CLMP: variants seen among roughly 807,000 people sequenced by gnomAD.
The protein encoded by CLMP is CXADR like cell adhesion molecule.
In CLMP, 27 loss-of-function variants were observed where a neutral mutation model predicts 45.2. The ratio of observed to expected loss-of-function variants is 0.60; its 90% CI spans 0.44 to 0.82. The LOEUF (loss-of-function observed/expected upper bound fraction) is 0.82, where lower values mean the gene tolerates loss of function less well. Among genes scored for constraint, CLMP ranks in the 40% least tolerant of loss-of-function variants. The pLI is 0.00. For synonymous variants in CLMP, 167 were observed against 171.4 expected (o/e 0.97, Z 0.20); for missense variants, 403 against 448.4 (o/e 0.90, Z 0.91).
At chr11:123,183,852 G>A (rs948455787) in intron 1 of CLMP, among the ~76,000 whole-genome samples, 1 of 152,102 alleles carries the variant, frequency 6.6e-6, no homozygotes, top group South Asian at 2.1e-4. Flanking sequence ...GTGGGGTGTG[G>A]CTGCCACTCA....
intron 1 of CLMP, among the ~76,000 whole-genome samples, chr11:123,137,585 C>T (rs116188138): frequency 1.1e-4 from 16 of 152,144 alleles, no homozygotes; most frequent in African/African-American, 3.9e-4. Context: ...AGGCTGTCCC[C>T]AGAGATGAGA....
At chr11:123,167,811 C>A (rs1861579059) in intron 1 of CLMP, among the ~76,000 whole-genome samples, 1 of 152,164 alleles carries the variant, frequency 6.6e-6, no homozygotes, top group African/African-American at 2.4e-5. Context: ...AGTTGAAGAT[C>A]TCAAGGAAAG....
intron 1 of CLMP, among the ~76,000 whole-genome samples, chr11:123,149,779 C>T (rs1258600625): frequency 1.4e-5 from 2 of 141,402 alleles, no homozygotes; most frequent in Non-Finnish European, 3.0e-5. Flanking sequence ...TTCTTTCTTT[C>T]TTTCTTTCTT....
chr11:123,090,550 T>G (rs1260519071), intron 2 of CLMP, among the ~76,000 whole-genome samples: 1 of 152,192 alleles, frequency 6.6e-6, no homozygotes, highest in Non-Finnish European at 1.5e-5. Context: ...TTATTCTTTC[T>G]AAGCCTTAAG....
intron 2 of CLMP, among the ~76,000 whole-genome samples, chr11:123,096,035 T>A (rs527250301): frequency 6.6e-6 from 1 of 152,152 alleles, no homozygotes; most frequent in South Asian, 2.1e-4. Flanking sequence ...ACTGAGAGTA[T>A]CAAATCTAGG....
intron 2 of CLMP, among the ~76,000 whole-genome samples, chr11:123,086,147 G>A (rs542897789): frequency 7.2e-5 from 11 of 152,104 alleles, no homozygotes; most frequent in Admixed American, 2.6e-4. Flanking sequence ...CCTGACCTCA[G>A]GTGATCCACC....
chr11:123,140,328 C>G (rs11219016), intron 1 of CLMP, among the ~76,000 whole-genome samples: 87,090 of 151,850 alleles, frequency 0.57, 26,192 homozygotes, highest in African/African-American at 0.76. Flanking sequence ...AATTTTGTCG[C>G]GGTCTGAAGA....
chr11:123,164,832 T>C (rs1861536684), intron 1 of CLMP, among the ~76,000 whole-genome samples: 1 of 152,164 alleles, frequency 6.6e-6, no homozygotes. Context: ...AGTTTGTAGT[T>C]TGCACTAACA....
At chr11:123,139,961 T>G (rs1861131839) in intron 1 of CLMP, among the ~76,000 whole-genome samples, 1 of 152,178 alleles carries the variant, frequency 6.6e-6, no homozygotes, top group Non-Finnish European at 1.5e-5. Flanking sequence ...GTCCCCCAAT[T>G]CATGTGAGTG....
At chr11:123,108,713 T>C (rs1297413628) in intron 1 of CLMP, among the ~76,000 whole-genome samples, 1 of 152,026 alleles carries the variant, frequency 6.6e-6, no homozygotes, top group Non-Finnish European at 1.5e-5. Context: ...CTGACACTGA[T>C]GGAAGATAGT....
At chr11:123,184,859 G>A (rs1178945185) in intron 1 of CLMP, among the ~76,000 whole-genome samples, 27 of 152,158 alleles carry the variant, frequency 1.8e-4, no homozygotes, top group Admixed American at 1.7e-3. Flanking sequence ...TGTGCCAGCC[G>A]CTCACCGGGC....
chr11:123,114,143 C>T (rs933438624), intron 1 of CLMP, among the ~76,000 whole-genome samples: 1 of 151,968 alleles, frequency 6.6e-6, no homozygotes, highest in African/African-American at 2.4e-5. Context: ...GCAGAGGGGG[C>T]GGGAATTAAA....
At chr11:123,142,621 C>CTTTTTT (rs71057336) in intron 1 of CLMP, among the ~76,000 whole-genome samples, 6 of 123,264 alleles carry the variant, frequency 4.9e-5, no homozygotes, top group East Asian at 2.4e-4. Flanking sequence ...GATGAGGTTT[C>CTTTTTT]TTTTTTTTTT....
chr11:123,151,439 G>A (rs1171941927), intron 1 of CLMP, among the ~76,000 whole-genome samples: 1 of 152,154 alleles, frequency 6.6e-6, no homozygotes, highest in Non-Finnish European at 1.5e-5. Flanking sequence ...TGCTATTTAT[G>A]TTCACTCATT....
At chr11:123,137,116 T>TCCTTG (rs1861084196) in intron 1 of CLMP, among the ~76,000 whole-genome samples, 1 of 151,478 alleles carries the variant, frequency 6.6e-6, no homozygotes, top group Admixed American at 6.6e-5. Context: ...TGCTGACTTT[T>TCCTTG]CCTTGCAGAC....
At chr11:123,087,210 G>A (rs892744188) in intron 2 of CLMP, among the ~76,000 whole-genome samples, 1 of 152,156 alleles carries the variant, frequency 6.6e-6, no homozygotes, top group Non-Finnish European at 1.5e-5. Context: ...GATGGCGCAT[G>A]CCTATAATCC....
intron 1 of CLMP, among the ~76,000 whole-genome samples, chr11:123,135,089 G>A (rs577684063): frequency 6.6e-6 from 1 of 151,992 alleles, no homozygotes; most frequent in South Asian, 2.1e-4. Flanking sequence ...GTGAAACCCC[G>A]TCTCTACTAA....
chr11:123,167,418 T>C (rs970206723), intron 1 of CLMP, among the ~76,000 whole-genome samples: 2 of 152,138 alleles, frequency 1.3e-5, no homozygotes, highest in African/African-American at 4.8e-5. Flanking sequence ...CCTGAGTAGC[T>C]GGGACTACAG....
At chr11:123,188,405 C>CCTTCCTCCTCCT (rs146814009) in intron 1 of CLMP, among the ~76,000 whole-genome samples, 17 of 149,476 alleles carry the variant, frequency 1.1e-4, no homozygotes, top group East Asian at 4.0e-4. Flanking sequence ...AGTCTCTGTG[C>CCTTCCTCCTCCT]CTTCCTCCTC....
Sources: allele counts gnomAD v4.1 joint callset (sites outside exome capture counted in the v4.1 genomes callset), GRCh38; gene constraint gnomAD v4.1.1; transcripts MANE v1.5; gene names NCBI Gene and HGNC (gene_info 2026-07-23, HGNC 2026-07-21).